DZANK1: variants seen among roughly 807,000 people sequenced by gnomAD.
The protein encoded by DZANK1 is double zinc ribbon and ankyrin repeat domains 1, also known as double zinc ribbon and ankyrin repeat-containing protein 1.
DZANK1 carries 91 observed loss-of-function variants against 94.5 expected under a neutral mutation model. That is an observed-to-expected ratio of 0.96 (90% CI 0.81 to 1.15). The LOEUF is 1.15. DZANK1 is among the 50% of genes most tolerant of loss of function. The pLI, the probability that DZANK1 is intolerant of heterozygous loss-of-function variation, is 0.00. For missense variants in DZANK1, 903 were observed against 916.4 expected (o/e 0.99, Z 0.19); for synonymous variants, 312 against 325.3 (o/e 0.96, Z 0.44).
chr20:18,461,868 G>A (rs1312951272), intron 2 of DZANK1, among the ~76,000 whole-genome samples: 1 of 152,010 alleles, frequency 6.6e-6, no homozygotes, highest in East Asian at 1.9e-4. Flanking sequence ...CCAAAGTGCT[G>A]GGATTACAGG....
chr20:18,433,955 A>G, intron 8 of DZANK1, 190 bp from the exon 9 acceptor site: 2 of 551,434 alleles, frequency 3.6e-6, no homozygotes, highest in African/African-American at 1.9e-5. Context: ...TGTTTTTGTA[A>G]AACAATTTTT....
At chr20:18,392,866 G>A (rs906083062) in intron 17 of DZANK1, among the ~76,000 whole-genome samples, 1 of 152,164 alleles carries the variant, frequency 6.6e-6, no homozygotes, top group Non-Finnish European at 1.5e-5. Flanking sequence ...TCTTTCCAGG[G>A]GAGCCCTGCA....
Position 18,441,398 on chromosome 20 carries a change from T to A in DZANK1, c.747+1949A>T, listed in dbSNP as rs966008954. Among the ~76,000 whole-genome samples the A allele has an allele frequency of 1.3e-5, 2 of 152,160 alleles. No individual in the cohort carries two copies. The highest frequency in any genetic ancestry group is 2.9e-5 in the Non-Finnish European group (2 of 68,040). ...CAATTCTGTATCAGTCAGAGTCCAA[T>A]CAGGACATAGAAACCACAACTAATT... is the stretch of plus-strand genomic sequence containing the variant. On this transcript the variant is annotated intron_variant, in intron 8 of 20. Coordinates refer to ENST00000262547, the Ensembl canonical transcript of DZANK1. The surrounding 1 kb of genome is among the most constrained non-coding windows in gnomAD (Gnocchi z 4.1).
At chr20:18,412,066 A>G (rs2057283216) in intron 13 of DZANK1, among the ~76,000 whole-genome samples, 1 of 152,102 alleles carries the variant, frequency 6.6e-6, no homozygotes, top group Admixed American at 6.5e-5. Flanking sequence ...TACCACCACA[A>G]TAGAGATTAA....
At chr20:18,410,842 T>C (rs2057217468) in intron 13 of DZANK1, among the ~76,000 whole-genome samples, 1 of 152,132 alleles carries the variant, frequency 6.6e-6, no homozygotes, top group Non-Finnish European at 1.5e-5. Context: ...TCCCAGCTAC[T>C]CAGTAGATTG....
In DZANK1 at chr20:18,463,245, G is replaced by A. The variant is rs116978730; in HGVS notation, c.109+2005C>T. On this transcript the variant is annotated intron_variant, in intron 2 of 20. Transcript: ENST00000262547. ...ATAGTTGGAGGTCATAATCCTAAGC[G>A]AATTAACACAGGAACAGAAAACGAA... 2.2e-3 allele frequency among the ~76,000 whole-genome samples: 340 copies of A among 152,288 alleles called. 3 individuals are homozygous for A. Among genetic ancestry groups the A allele is most frequent in the Non-Finnish European group, 2.0e-3 (136 of 68,022 alleles).
At chr20:18,451,776 C>A (rs981609234) in intron 6 of DZANK1, 1 of 452,262 alleles carries the variant, frequency 2.2e-6, no homozygotes, top group African/African-American at 2.0e-5. Flanking sequence ...CCCTCTCATC[C>A]GTCGGATCCC....
rs182964420 is a variant in DZANK1, at chr20:18,400,958, C to T, written c.1433-2332G>A. Among the ~76,000 whole-genome samples the T allele has an allele frequency of 1.1e-4, 16 of 151,726 alleles. No individual in the cohort carries two copies. The East Asian group carries it at 2.1e-3, about 20-fold the overall frequency. On this transcript the variant is annotated intron_variant, in intron 13 of 20. Transcript: ENST00000262547. Reference sequence around the variant, plus strand: ...GATCTATACTTCTTTTTTTTTTAGACGGAGTCTTGCTCTTGTCACCCAGGC... The same window carrying T: ...GATCTATACTTCTTTTTTTTTTAGATGGAGTCTTGCTCTTGTCACCCAGGC...
At chr20:18,406,133 G>A (rs572968274) in intron 13 of DZANK1, among the ~76,000 whole-genome samples, 1 of 152,370 alleles carries the variant, frequency 6.6e-6, no homozygotes, top group East Asian at 1.9e-4. Flanking sequence ...CACAAAGACT[G>A]AAATTCCTAG....
chr20:18,393,608 C>A, intron 17 of DZANK1, 103 bp downstream of exon 17: 1 of 744,298 alleles, frequency 1.3e-6, no homozygotes, highest in Non-Finnish European at 2.2e-6. Flanking sequence ...AAAAAAGGAA[C>A]AGAAAATGAG....
chr20:18,388,229 C>T (rs970628258), intron 19 of DZANK1, among the ~76,000 whole-genome samples: 2 of 152,208 alleles, frequency 1.3e-5, no homozygotes, highest in Non-Finnish European at 2.9e-5. Flanking sequence ...TGCCCACAGT[C>T]ACCATGATCC....
chr20:18,397,571 G>T (rs2056415571), intron 14 of DZANK1, among the ~76,000 whole-genome samples: 1 of 152,118 alleles, frequency 6.6e-6, no homozygotes, highest in African/African-American at 2.4e-5. Flanking sequence ...ATCAACTGCG[G>T]TGTGAAAAAC....
chr20:18,435,128 G>T (rs1368173107), intron 8 of DZANK1, among the ~76,000 whole-genome samples: 1 of 152,044 alleles, frequency 6.6e-6, no homozygotes, highest in African/African-American at 2.4e-5. Flanking sequence ...GTAAAAGCTG[G>T]GGCTGGAAAA....
intron 5 of DZANK1, among the ~76,000 whole-genome samples, chr20:18,453,334 A>G (rs1007077958): frequency 2.6e-5 from 4 of 152,130 alleles, no homozygotes; most frequent in African/African-American, 9.7e-5. Flanking sequence ...CCCCTTCCTG[A>G]TGCTGATACC....
chr20:18,403,640 G>A lies in DZANK1; in HGVS notation c.1433-5014C>T, dbSNP rs189569539. On this transcript the variant is annotated intron_variant, in intron 13 of 20. Transcript: ENST00000262547. Reference sequence around the variant, plus strand: ...TCAGATCAGAGAAATAAACAGCTAAGAAGAGCCCTCCTGAGGTAAGAAAAA... The same window carrying A: ...TCAGATCAGAGAAATAAACAGCTAAAAAGAGCCCTCCTGAGGTAAGAAAAA... Among the ~76,000 whole-genome samples, 210 of 152,222 alleles carry A rather than the reference G, an allele frequency of 1.4e-3. 1 individual carries two copies. The highest frequency in any genetic ancestry group is 2.6e-3 in the Non-Finnish European group (179 of 67,998).
chr20:18,460,579 A>G (rs964208787), intron 2 of DZANK1, among the ~76,000 whole-genome samples: 1 of 152,186 alleles, frequency 6.6e-6, no homozygotes, highest in East Asian at 1.9e-4. Context: ...AATACAAAAA[A>G]TTAGCCGGGC....
At chr20:18,416,035 C>T (rs989810105) in intron 10 of DZANK1, among the ~76,000 whole-genome samples, 1 of 152,220 alleles carries the variant, frequency 6.6e-6, no homozygotes, top group Non-Finnish European at 1.5e-5. Context: ...GGAGTGACAG[C>T]ACAGTGGCTG....
intron 13 of DZANK1, 150 bp downstream of exon 13, chr20:18,412,496 A>G (rs2148432894): frequency 3.6e-6 from 3 of 836,272 alleles, no homozygotes; most frequent in Non-Finnish European, 5.6e-6. Flanking sequence ...TCTTTTTCCA[A>G]TACAAAGAAA....
chr20:18,453,857 C>G, intron 4 of DZANK1, 30 bp from the exon 5 acceptor site: 1 of 1,283,500 alleles, frequency 7.8e-7, no homozygotes, highest in Non-Finnish European at 1.1e-6. Flanking sequence ...ATATCAATCA[C>G]TTGGTTATTC....
Sources: allele counts gnomAD v4.1 joint callset (sites outside exome capture counted in the v4.1 genomes callset), GRCh38; gene constraint gnomAD v4.1.1; non-coding constraint Gnocchi (gnomAD v3.1); transcripts MANE v1.5; gene names NCBI Gene and HGNC (gene_info 2026-07-23, HGNC 2026-07-21).